Variants in KIR3DL2 observed in about 807,000 individuals in gnomAD.
The protein encoded by KIR3DL2 is killer cell immunoglobulin-like receptor 3DL2.
KIR3DL2 carries 42 observed loss-of-function variants against 41.6 expected under a neutral mutation model. The observed-to-expected ratio is 1.01, with a 90% CI of 0.79 to 1.31. KIR3DL2 has a LOEUF of 1.31. KIR3DL2 is among the 50% of genes most tolerant of loss of function. The probability of loss-of-function intolerance (pLI) is 0.00; values close to 1 mark genes in which losing one functional copy is unlikely to be tolerated. For missense variants in KIR3DL2, 728 were observed against 576.8 expected, an observed-to-expected ratio of 1.26 and a Z score of -2.68; for synonymous variants, 230 against 221.3, an observed-to-expected ratio of 1.04 and a Z score of -0.35.
intron 1 of KIR3DL2, among the ~76,000 whole-genome samples, chr19:54,850,755 C>A (rs1256700415): frequency 9.7e-6 from 1 of 103,176 alleles, no homozygotes; most frequent in Non-Finnish European, 1.8e-5. Context: ...GAGATATGGG[C>A]CTGGAGTGGA....
chr19:54,852,613 G>A (rs2145573131), intron 3 of KIR3DL2, among the ~76,000 whole-genome samples: 1 of 151,800 alleles, frequency 6.6e-6, no homozygotes, highest in South Asian at 2.1e-4. Flanking sequence ...GGGTCCGCGT[G>A]AGAGGTGGAG....
rs2065582526 is a variant in KIR3DL2 at position 54,867,038 on chromosome 19, A to G, written c.*307A>G. On this transcript the variant is annotated 3_prime_UTR_variant, in exon 9 of 9. Coordinates refer to ENST00000326321, the MANE Select transcript of KIR3DL2 (RefSeq NM_006737.4). ...AGGAACTCACAATTCCAAACATACAAGAGGCTCCCTCTTAACACGGCACTT... is the reference window on the plus strand; with the variant it reads ...AGGAACTCACAATTCCAAACATACAGGAGGCTCCCTCTTAACACGGCACTT... 2.2e-6 allele frequency: 1 copy of G among 446,870 alleles called. No homozygotes were observed. The highest frequency in any genetic ancestry group is 4.0e-6 in the Non-Finnish European group (1 of 249,832). The allele number at this position is 446,870 out of a possible 1,614,324, so 27.7% of individuals were successfully genotyped here.
At position 54,860,392 on chromosome 19, in the gene KIR3DL2, A is replaced by T. The variant is rs1249866467; in HGVS notation, c.1000+1263A>T. On this transcript the variant is annotated intron_variant, in intron 6 of 8. Transcript: ENST00000326321. ...TGTATTTACCTACTTGTTTATTGAG[A>T]CGGAGCCTTGCTCTGTCGTCCAGGC... is the stretch of plus-strand genomic sequence containing the variant. Among the ~76,000 whole-genome samples, 41 of 152,144 alleles carry T rather than the reference A, an allele frequency of 2.7e-4. 1 individual carries two copies. Among genetic ancestry groups the T allele is most frequent in the Admixed American group, 2.6e-3 (40 of 15,294 alleles).
chr19:54,864,008 T>TA (rs2065348270), intron 6 of KIR3DL2, among the ~76,000 whole-genome samples: 3 of 151,800 alleles, frequency 2.0e-5, no homozygotes. Flanking sequence ...TTTAAGTCTT[T>TA]AATCCATCTC....
chr19:54,855,826 G>A lies in KIR3DL2; in HGVS notation c.863G>A (p.Gly288Glu). The A allele has an allele frequency of 3.7e-6, 6 of 1,613,534 alleles. No individual in the cohort carries two copies. The highest frequency in any genetic ancestry group is 5.1e-6 in the Non-Finnish European group (6 of 1,179,946). The change falls in exon 5 of 9, where the codon GGA (glycine) becomes GAA (glutamate). Residue 288 changes from glycine (G) to glutamate (E), a missense_variant. Physicochemically the swap from Gly to Glu is moderately conservative, Grantham distance 98. Coordinates refer to ENST00000326321, the MANE Select transcript of KIR3DL2 (RefSeq NM_006737.4). ...ADFPLGPATHGGTYRCFGSFR... is the reference protein window; with the variant it reads ...ADFPLGPATHEGTYRCFGSFR... ...TTTCCTCTGGGCCCTGCCACCCACG[G>A]AGGGACCTACAGATGCTTCGGCTCT...
chr19:54,856,582 G>T (rs920250739), intron 5 of KIR3DL2, among the ~76,000 whole-genome samples: 47 of 152,004 alleles, frequency 3.1e-4, no homozygotes, highest in African/African-American at 1.1e-3. Context: ...TACTTGGGAG[G>T]CTGAGGCAGG....
rs987009525 is a variant in KIR3DL2 at position 54,859,095 on chromosome 19, T to C, written c.966T>C (p.Ser322=). 14 of 1,613,648 alleles carry C rather than the reference T, an allele frequency of 8.7e-6. No individual in the cohort carries two copies. The Admixed American group carries it at 1.0e-4, about 12-fold the overall frequency. The change falls in exon 6 of 9, where the codon AGT becomes AGC. Residue 322 remains serine (S), a synonymous_variant. Coordinates refer to ENST00000326321, the MANE Select transcript of KIR3DL2 (RefSeq NM_006737.4). ...GTGTTCTAGGAAACCCTTCAAGTAG[T>C]TGGCCTTCACCCACAGAACCAAGCT... ...LVSVTGNPSS[S]WPSPTEPSSK...
Position 54,853,829 on chromosome 19 carries a change from A to G in KIR3DL2, c.438A>G (p.Ser146=), listed in dbSNP as rs563701380. ...AGACAGTCATCCTGCAATGTTGGTC[A>G]GATGTCATGTTTGAGCACTTCTTTC... ...SGETVILQCW[S]DVMFEHFFLH... The change falls in exon 4 of 9, where the codon TCA becomes TCG. Residue 146 remains serine (S), a synonymous_variant. Transcript: ENST00000326321. 4.5e-4 allele frequency: 720 copies of G among 1,613,080 alleles called. 18 individuals carry two copies. The African/African-American group carries it at 8.5e-3, about 19-fold the overall frequency.
chr19:54,860,473 T>G (rs600888), intron 6 of KIR3DL2, among the ~76,000 whole-genome samples: 35,795 of 151,968 alleles, frequency 0.24, 4,753 homozygotes, highest in South Asian at 0.38. Context: ...TGGGCTGAAC[T>G]GATCTCCTCC....
At chr19:54,850,532 G>A in intron 1 of KIR3DL2, 23 bp downstream of exon 1, 1 of 1,608,974 alleles carries the variant, frequency 6.2e-7, no homozygotes, top group Non-Finnish European at 8.5e-7. Context: ...AGGGAATAGA[G>A]GGAGGGAGAG....
chr19:54,864,094 C>A (rs1474553791), intron 6 of KIR3DL2, among the ~76,000 whole-genome samples: 4 of 152,082 alleles, frequency 2.6e-5, no homozygotes, highest in African/African-American at 7.2e-5. Flanking sequence ...GTTTTCCCAG[C>A]ACCATTTATT....
At chr19:54,859,762 A>G (rs2065042182) in intron 6 of KIR3DL2, among the ~76,000 whole-genome samples, 1 of 151,988 alleles carries the variant, frequency 6.6e-6, no homozygotes, top group Non-Finnish European at 1.5e-5. Flanking sequence ...CATGACGTGC[A>G]TGTCACTGGG....
At chr19:54,858,821 A>G (rs1425404628) in intron 5 of KIR3DL2, among the ~76,000 whole-genome samples, 4 of 151,992 alleles carry the variant, frequency 2.6e-5, no homozygotes, top group Non-Finnish European at 4.4e-5. Context: ...CTTTATGCCA[A>G]TGTCATGCTG....
At chr19:54,851,133 G>T in intron 1 of KIR3DL2, 87 bp from the exon 2 acceptor site, 1 of 1,527,264 alleles carries the variant, frequency 6.5e-7, no homozygotes, top group Non-Finnish European at 9.1e-7. Context: ...GCAAGGGCCT[G>T]GCTGCCAAGA....
chr19:54,865,967 G>C, intron 7 of KIR3DL2, 58 bp downstream of exon 7: 2 of 1,346,478 alleles, frequency 1.5e-6, no homozygotes, highest in South Asian at 2.4e-5. Context: ...AGCAGGATGG[G>C]AGCACGCGGG....
In KIR3DL2 at chr19:54,850,498, T is replaced by C. The variant is rs1224934109; in HGVS notation, c.23T>C (p.Met8Thr). 19 of 1,608,950 alleles carry C rather than the reference T, an allele frequency of 1.2e-5. 1 individual carries two copies. The African/African-American group carries it at 2.3e-4, about 19-fold the overall frequency. Residue 8 changes from methionine (M) to threonine (T), a missense_variant, in exon 1 of 9, where the codon ATG (methionine) becomes ACG (threonine). Physicochemically the swap from Met to Thr is moderately conservative, Grantham distance 81 (BLOSUM62 -1). Transcript: ENST00000326321. ...ACCATGTCGCTCACGGTCGTCAGCA[T>C]GGCGTGCGTTGGTGAGTCCTGGAAG... MSLTVVSMACVGFFLLQG... is the reference protein window; with the variant it reads MSLTVVSTACVGFFLLQG...
Position 54,855,870 on chromosome 19 carries a change from G to T in KIR3DL2, c.907G>T (p.Val303Leu), listed in dbSNP as rs745524198. The change falls in exon 5 of 9, where the codon GTG (valine) becomes TTG (leucine). Residue 303 changes from valine (V) to leucine (L), a missense_variant. Physicochemically the swap from Val to Leu is conservative, Grantham distance 32. Coordinates refer to ENST00000326321, the MANE Select transcript of KIR3DL2 (RefSeq NM_006737.4). ...CFGSFRALPC[V>L]WSNSSDPLLV... Reference sequence around the variant, plus strand: ...CGGCTCTTTCCGTGCCCTGCCCTGCGTGTGGTCAAACTCAAGTGACCCACT... The same window carrying T: ...CGGCTCTTTCCGTGCCCTGCCCTGCTTGTGGTCAAACTCAAGTGACCCACT... The T allele has an allele frequency of 6.2e-7, 1 of 1,613,472 alleles. No individual in the cohort carries two copies. The highest frequency in any genetic ancestry group is 1.7e-5 in the Admixed American group (1 of 59,988).
rs1428645554 is a variant in KIR3DL2, at chr19:54,859,142, C to T, written c.1000+13C>T. 1.9e-5 allele frequency: 31 copies of T among 1,606,732 alleles called. 1 individual carries two copies. Among genetic ancestry groups the T allele is most frequent in the Admixed American group, 3.3e-5 (2 of 59,796 alleles). ...AGCTCCAAATCTGGTGAGTAAAGGACCCCTCTTATCTCTGCTTTTGGAAAC... is the reference window on the plus strand; with the variant it reads ...AGCTCCAAATCTGGTGAGTAAAGGATCCCTCTTATCTCTGCTTTTGGAAAC... On this transcript the variant is annotated intron_variant, in intron 6 of 8. Coordinates refer to ENST00000326321, the MANE Select transcript of KIR3DL2 (RefSeq NM_006737.4).
rs946483143 is a variant in KIR3DL2 at position 54,857,543 on chromosome 19, C to CTTTA, written c.950-1518_950-1515dup. Among the ~76,000 whole-genome samples, 60 of 65,338 alleles carry CTTTA rather than the reference C, an allele frequency of 9.2e-4. 2 individuals carry two copies. The highest frequency in any genetic ancestry group is 4.6e-3 in the South Asian group (8 of 1,758). 42.9% of individuals were successfully genotyped at this position (65,338 alleles called of 152,430 possible). A position where few individuals can be genotyped will look rare whatever the true frequency, so the allele number is the denominator to read the frequency against. ...TGCAGATAAAAGCCATTTTACTTTA[C>CTTTA]TTTATTTATTTATTTATTTATGTTG... On this transcript the variant is annotated intron_variant, in intron 5 of 8. Transcript: ENST00000326321.
Sources: gnomAD v4.1 joint callset for allele counts (sites outside exome capture counted in the v4.1 genomes callset) on GRCh38, gnomAD v4.1.1 for gene constraint, MANE v1.5 for transcripts, NCBI Gene and HGNC (gene_info 2026-07-23, HGNC 2026-07-21) for gene names.